Variants in HTR4 observed in about 807,000 individuals in gnomAD.
HTR4 encodes 5-hydroxytryptamine (serotonin) receptor 4, G protein-coupled.
A neutral mutation model predicts 36.8 loss-of-function variants in HTR4; 16 were observed. The observed-to-expected ratio is 0.43, with a 90% CI of 0.29 to 0.66. HTR4 has a LOEUF of 0.66. HTR4 is among the 30% of genes least tolerant of loss of function. The pLI is 0.13. For synonymous variants in HTR4, 189 were observed against 185.1 expected, an observed-to-expected ratio of 1.02 and a Z score of -0.17; for missense variants, 438 against 490.9, an observed-to-expected ratio of 0.89 and a Z score of 1.02.
At chr5:148,529,823 C>G (rs184470687) in intron 4 of HTR4, among the ~76,000 whole-genome samples, 172 of 152,284 alleles carry the variant, frequency 1.1e-3, no homozygotes, top group African/African-American at 4.1e-3. Flanking sequence ...TAATGATATA[C>G]ACAGTAAAAT....
intron 1 of HTR4, 101 bp downstream of exon 1, chr5:148,653,961 C>G: frequency 1.3e-6 from 1 of 785,800 alleles, no homozygotes; most frequent in African/African-American, 1.9e-5. Context: ...TCCAGAACCC[C>G]CAAGCCCCCG....
chr5:148,566,371 C>T (rs943720242), intron 2 of HTR4, among the ~76,000 whole-genome samples: 8 of 152,104 alleles, frequency 5.3e-5, no homozygotes, highest in Non-Finnish European at 1.2e-4. Context: ...TTACCTTCTT[C>T]CTCCATCTCA....
intron 4 of HTR4, among the ~76,000 whole-genome samples, chr5:148,529,715 G>C (rs773562456): frequency 5.3e-5 from 8 of 152,238 alleles, no homozygotes; most frequent in Non-Finnish European, 1.2e-4. Context: ...AACAGGCAGA[G>C]GTTGGAATAG....
chr5:148,596,360 A>T (rs2127263637), intron 2 of HTR4, among the ~76,000 whole-genome samples: 1 of 152,230 alleles, frequency 6.6e-6, no homozygotes, highest in African/African-American at 2.4e-5. Context: ...TTACTCTCCA[A>T]CTTCAACTCT....
intron 2 of HTR4, among the ~76,000 whole-genome samples, chr5:148,606,810 T>C (rs1307172120): frequency 6.6e-6 from 1 of 152,242 alleles, no homozygotes; most frequent in African/African-American, 2.4e-5. Context: ...GGTCTATAAC[T>C]GATTTGTCAC....
chr5:148,654,356 G>A lies in HTR4; in HGVS notation c.-342C>T. The A allele has an allele frequency of 1.0e-6, 1 of 985,436 alleles. No individual in the cohort carries two copies. The highest frequency in any genetic ancestry group is 1.2e-6 in the Non-Finnish European group (1 of 829,928). The allele number at this position is 985,436 out of a possible 1,614,324, so 61.0% of individuals were successfully genotyped here. A position where few individuals can be genotyped will look rare whatever the true frequency, so the allele number is the denominator to read the frequency against. On this transcript the variant is annotated 5_prime_UTR_variant, in exon 1 of 7. Transcript: ENST00000377888. The stretch of plus-strand genomic sequence containing the variant: ...CACGGGCTCAACAGCCCCCAGCCCC[G>A]GTGGTCCCCGCTGCCCTGCCCGCTG...
intron 2 of HTR4, among the ~76,000 whole-genome samples, chr5:148,635,988 A>C (rs1443560623): frequency 6.6e-6 from 1 of 152,144 alleles, no homozygotes; most frequent in Non-Finnish European, 1.5e-5. Context: ...CCTTATTTGA[A>C]ATATATATAT....
chr5:148,620,352 G>GTT (rs1180958841), intron 2 of HTR4, among the ~76,000 whole-genome samples: 4 of 152,232 alleles, frequency 2.6e-5, no homozygotes, highest in Non-Finnish European at 2.9e-5. Context: ...GATTGGCAGT[G>GTT]TTTCCAGTGG....
intron 6 of HTR4, among the ~76,000 whole-genome samples, chr5:148,508,600 G>C (rs1447322803): frequency 6.6e-6 from 1 of 152,096 alleles, no homozygotes; most frequent in Non-Finnish European, 1.5e-5. Context: ...AGGAAATACT[G>C]TTCTGTGTTC....
chr5:148,512,732 A>G (rs912680810), intron 5 of HTR4, among the ~76,000 whole-genome samples: 1 of 152,132 alleles, frequency 6.6e-6, no homozygotes, highest in African/African-American at 2.4e-5. Context: ...GGAGTTTAAG[A>G]CCAGCCTGGC....
intron 6 of HTR4, among the ~76,000 whole-genome samples, chr5:148,490,143 G>GTA (rs951242411): frequency 6.8e-6 from 1 of 147,098 alleles, no homozygotes; most frequent in Non-Finnish European, 1.5e-5. Flanking sequence ...ACATATACAT[G>GTA]TATATATATA....
intron 2 of HTR4, among the ~76,000 whole-genome samples, chr5:148,574,385 C>T (rs533212447): frequency 1.4e-5 from 2 of 144,578 alleles, no homozygotes; most frequent in East Asian, 4.2e-4. Flanking sequence ...GTAAGGCTCT[C>T]GCGCGCTCTC....
Position 148,455,099 on chromosome 5 carries a change from C to T in HTR4, c.1077-3827G>A, listed in dbSNP as rs116612619. Reference sequence around the variant, plus strand: ...AGGTACCATTTTTGGAAGTTACATACCTTATTTCATGTATACAATTTACTT... The same window carrying T: ...AGGTACCATTTTTGGAAGTTACATATCTTATTTCATGTATACAATTTACTT... On this transcript the variant is annotated intron_variant, in intron 5 of 5. Transcript: ENST00000521530. 2.2e-4 allele frequency among the ~76,000 whole-genome samples: 33 copies of T among 152,244 alleles called. 1 individual carries two copies. The East Asian group carries it at 4.1e-3, about 19-fold the overall frequency.
intron 5 of HTR4, among the ~76,000 whole-genome samples, chr5:148,466,324 T>G (rs1452543953): frequency 6.6e-6 from 1 of 152,206 alleles, no homozygotes; most frequent in Admixed American, 6.5e-5. Flanking sequence ...TTCCTCCATA[T>G]AGTCATCTCT....
chr5:148,559,893 T>C (rs1760119227), intron 2 of HTR4, among the ~76,000 whole-genome samples: 1 of 152,098 alleles, frequency 6.6e-6, no homozygotes, highest in Non-Finnish European at 1.5e-5. Context: ...GCTTTTTTAC[T>C]CCCCTGCCTG....
At chr5:148,594,622 C>A (rs1409060123) in intron 2 of HTR4, among the ~76,000 whole-genome samples, 1 of 151,992 alleles carries the variant, frequency 6.6e-6, no homozygotes, top group Non-Finnish European at 1.5e-5. Context: ...ACAAGTAATC[C>A]TTCCTTCTCC....
At chr5:148,611,230 T>A (rs2127280449) in intron 2 of HTR4, among the ~76,000 whole-genome samples, 1 of 148,500 alleles carries the variant, frequency 6.7e-6, no homozygotes, top group East Asian at 2.0e-4. Context: ...AATTGTCAGA[T>A]TCACCAAAGT....
chr5:148,633,601 T>C (rs1382619191), intron 2 of HTR4, among the ~76,000 whole-genome samples: 3 of 143,216 alleles, frequency 2.1e-5, no homozygotes, highest in Admixed American at 7.0e-5. Context: ...CATTGTTCAA[T>C]TCCCATCTAT....
intron 5 of HTR4, among the ~76,000 whole-genome samples, chr5:148,510,456 C>T (rs1391148028): frequency 1.3e-5 from 2 of 152,210 alleles, no homozygotes; most frequent in African/African-American, 2.4e-5. Context: ...TCTGCTTGCA[C>T]ATAACAGATC....
Sources: gnomAD v4.1 joint callset for allele counts (sites outside exome capture counted in the v4.1 genomes callset) on GRCh38, gnomAD v4.1.1 for gene constraint, MANE v1.5 for transcripts, NCBI Gene and HGNC (gene_info 2026-07-23, HGNC 2026-07-21) for gene names.